EYS: variants seen among roughly 807,000 people sequenced by gnomAD.
EYS encodes EGF-like photoreceptor maintenance factor.
Under a neutral mutation model 282.1 loss-of-function variants are expected in EYS, and 250 were observed. The observed-to-expected ratio is 0.89, with a 90% CI of 0.80 to 0.98. The LOEUF is 0.98. Ranked by LOEUF, EYS falls within the 50% of genes least tolerant of loss-of-function variation. EYS has a pLI of 0.00. For missense variants in EYS, 4,016 were observed against 3,709.0 expected, an observed-to-expected ratio of 1.08 and a Z score of -2.15; for synonymous variants, 1,355 against 1,282.9, an observed-to-expected ratio of 1.06 and a Z score of -1.20.
At chr6:64,720,883 G>A (rs1639457626) in intron 22 of EYS, among the ~76,000 whole-genome samples, 1 of 152,112 alleles carries the variant, frequency 6.6e-6, no homozygotes, top group Admixed American at 6.5e-5. Flanking sequence ...TTTTCTAAAT[G>A]TGCAAACATC....
intron 9 of EYS, among the ~76,000 whole-genome samples, chr6:65,348,557 T>A (rs1270215736): frequency 2.6e-5 from 4 of 151,752 alleles, no homozygotes; most frequent in African/African-American, 4.8e-5. Context: ...TTCCCATTTC[T>A]AAAAATCATA....
At chr6:64,776,247 T>G (rs917998102) in intron 22 of EYS, among the ~76,000 whole-genome samples, 2 of 152,108 alleles carry the variant, frequency 1.3e-5, no homozygotes, top group African/African-American at 4.8e-5. Flanking sequence ...CCTGTTTTTC[T>G]GGCCAGATAT....
At chr6:64,975,767 G>T (rs1770455335) in intron 14 of EYS, among the ~76,000 whole-genome samples, 1 of 151,264 alleles carries the variant, frequency 6.6e-6, no homozygotes, top group African/African-American at 2.4e-5. Context: ...CTTTTGATTT[G>T]GTAAGCAAAC....
At chr6:64,641,754 G>A (rs1019032906) in intron 22 of EYS, among the ~76,000 whole-genome samples, 11 of 152,094 alleles carry the variant, frequency 7.2e-5, no homozygotes, top group East Asian at 5.8e-4. Context: ...GTAAGGGAGC[G>A]TTACCTCCTG....
In EYS at chr6:64,063,668, C is replaced by T. The variant is rs543975141; in HGVS notation, c.6725+2670G>A. Among the ~76,000 whole-genome samples the T allele has an allele frequency of 1.7e-4, 26 of 152,220 alleles. No homozygotes were observed. In the South Asian group the frequency reaches 5.4e-3, roughly 32 times the overall value. The stretch of plus-strand genomic sequence containing the variant: ...CTCTTCTGCTTCTCTGTTCAAAACA[C>T]GCTGTTCTTTGCGGTCTCTGAATCT... On this transcript the variant is annotated intron_variant, in intron 33 of 42. Transcript: ENST00000503581.
At chr6:65,660,002 T>C (rs917429775) in intron 1 of EYS, among the ~76,000 whole-genome samples, 4 of 151,842 alleles carry the variant, frequency 2.6e-5, no homozygotes, top group South Asian at 4.1e-4. Context: ...TCACATAAAC[T>C]GGTTTCTACT....
chr6:64,094,422 T>A (rs1772502929), intron 31 of EYS, among the ~76,000 whole-genome samples: 1 of 152,184 alleles, frequency 6.6e-6, no homozygotes, highest in South Asian at 2.1e-4. Context: ...AATTATTGCC[T>A]CAATTTCAGC....
intron 12 of EYS, among the ~76,000 whole-genome samples, chr6:65,198,300 G>A (rs1023305799): frequency 3.3e-5 from 5 of 151,984 alleles, no homozygotes; most frequent in Non-Finnish European, 4.4e-5. Flanking sequence ...GAATACCCTC[G>A]AAAGATCTGC....
At chr6:65,236,806 T>C (rs1450683410) in intron 12 of EYS, among the ~76,000 whole-genome samples, 2 of 152,178 alleles carry the variant, frequency 1.3e-5, no homozygotes, top group Admixed American at 6.5e-5. Flanking sequence ...TGTGAAACTT[T>C]CGTCACAGCA....
At chr6:64,391,131 G>C (rs1469737759) in intron 28 of EYS, among the ~76,000 whole-genome samples, 1 of 152,176 alleles carries the variant, frequency 6.6e-6, no homozygotes, top group African/African-American at 2.4e-5. Context: ...TATGTGAAAA[G>C]ACCAAATCTA....
intron 11 of EYS, among the ~76,000 whole-genome samples, chr6:65,318,405 TCAAA>T (rs1382995299): frequency 4.0e-5 from 6 of 150,560 alleles, no homozygotes; most frequent in South Asian, 2.1e-4. Flanking sequence ...CTGCTATTGT[TCAAA>T]CAGACTAACC....
chr6:65,488,860 C>A (rs917700526), intron 5 of EYS, among the ~76,000 whole-genome samples: 2 of 152,032 alleles, frequency 1.3e-5, no homozygotes, highest in African/African-American at 2.4e-5. Flanking sequence ...AAACCTGACA[C>A]ACACAAGCAA....
intron 2 of EYS, among the ~76,000 whole-genome samples, chr6:65,633,776 T>C (rs753713428): frequency 2.0e-5 from 3 of 152,198 alleles, no homozygotes; most frequent in South Asian, 2.1e-4. Flanking sequence ...ACAGATCAAA[T>C]TGGAGTCCTT....
At chr6:64,895,751 ATC>A (rs1322275192) in intron 18 of EYS, among the ~76,000 whole-genome samples, 3 of 152,184 alleles carry the variant, frequency 2.0e-5, no homozygotes, top group Non-Finnish European at 4.4e-5. Context: ...AAAAATAAGA[ATC>A]TGAGTTTATT....
chr6:64,193,881 T>A (rs2150318004), intron 31 of EYS, among the ~76,000 whole-genome samples: 1 of 152,348 alleles, frequency 6.6e-6, no homozygotes, highest in East Asian at 1.9e-4. Context: ...GTGACACATT[T>A]TCTGAATCCA....
chr6:65,649,701 G>C (rs991294700), intron 1 of EYS, among the ~76,000 whole-genome samples: 5 of 151,970 alleles, frequency 3.3e-5, no homozygotes, highest in African/African-American at 1.2e-4. Context: ...TATTTAGATT[G>C]TTTTTTTACA....
chr6:63,850,785 G>T (rs1772226361), intron 36 of EYS, among the ~76,000 whole-genome samples: 1 of 152,142 alleles, frequency 6.6e-6, no homozygotes, highest in Non-Finnish European at 1.5e-5. Context: ...AAAATAACCA[G>T]CTATCATCAT....
At chr6:63,944,995 T>A (rs894023262) in intron 35 of EYS, among the ~76,000 whole-genome samples, 1 of 152,104 alleles carries the variant, frequency 6.6e-6, no homozygotes, top group Non-Finnish European at 1.5e-5. Context: ...TTGATCACTT[T>A]AGTAAAAAAA....
At chr6:65,601,747 T>C (rs551287902) in intron 2 of EYS, among the ~76,000 whole-genome samples, 1 of 152,068 alleles carries the variant, frequency 6.6e-6, no homozygotes, top group East Asian at 1.9e-4. Flanking sequence ...TGTGGGAAAA[T>C]GTCAAGTGTG....
Sources: allele counts gnomAD v4.1 joint callset (sites outside exome capture counted in the v4.1 genomes callset), GRCh38; gene constraint gnomAD v4.1.1; transcripts MANE v1.5; gene names NCBI Gene and HGNC (gene_info 2026-07-23, HGNC 2026-07-21).